The following PCDH11Y variants were observed in gnomAD, a reference collection of about 807,000 sequenced individuals.
PCDH11Y encodes the protein protocadherin 11 Y-linked, also known as protocadherin-11 Y-linked.
For missense variants in PCDH11Y, 12 were observed against 224.8 expected (o/e 0.05, Z 6.05); for synonymous variants, 9 against 83.6 (o/e 0.11, Z 4.87).
At chrY:5,275,785 G>A (rs879045347) in intron 2 of PCDH11Y, among the ~76,000 whole-genome samples, 1 of 32,924 alleles carries the variant, frequency 3.0e-5, no homozygotes, top group Non-Finnish European at 7.5e-5. Flanking sequence ...TTCCTTAGTC[G>A]GCATATGATA....
chrY:5,396,981 T>C (rs2053228064), intron 2 of PCDH11Y, among the ~76,000 whole-genome samples: 1 of 32,410 alleles, frequency 3.1e-5, no homozygotes, highest in Admixed American at 2.9e-4. Context: ...GGTCTCAAAC[T>C]CCTGACCTCA....
intron 4 of PCDH11Y, among the ~76,000 whole-genome samples, chrY:5,697,332 T>C: frequency 3.4e-5 from 1 of 29,371 alleles, no homozygotes; most frequent in Non-Finnish European, 8.2e-5. Flanking sequence ...CTAATGGAGA[T>C]GATGAGTTGA....
intron 2 of PCDH11Y, among the ~76,000 whole-genome samples, chrY:5,304,514 T>C (rs1602901588): frequency 1.2e-4 from 4 of 33,741 alleles, no homozygotes; most frequent in East Asian, 1.6e-3. Context: ...ACCATGAATG[T>C]GTTAGATTAC....
intron 4 of PCDH11Y, among the ~76,000 whole-genome samples, chrY:5,699,713 C>G (rs2053575837): frequency 3.0e-5 from 1 of 32,866 alleles, no homozygotes; most frequent in African/African-American, 1.2e-4. Context: ...GGCCCTCCCC[C>G]TGGGATCTCA....
chrY:5,519,599 C>T (rs2124690043), intron 3 of PCDH11Y, among the ~76,000 whole-genome samples: 1 of 31,331 alleles, frequency 3.2e-5, no homozygotes, highest in African/African-American at 1.2e-4. Context: ...ATTATTTTAG[C>T]GGTGGCATGG....
intron 4 of PCDH11Y, among the ~76,000 whole-genome samples, chrY:5,665,849 A>G (rs2053544259): frequency 3.0e-5 from 1 of 33,613 alleles, no homozygotes; most frequent in Non-Finnish European, 7.4e-5. Context: ...TGTAGTAATA[A>G]TCCATTTAGG....
intron 2 of PCDH11Y, among the ~76,000 whole-genome samples, chrY:5,253,586 G>C (rs2124657151): frequency 6.4e-5 from 2 of 31,276 alleles, no homozygotes; most frequent in Admixed American, 6.0e-4. Flanking sequence ...TGTTGGGCCA[G>C]AAGGATACCA....
intron 4 of PCDH11Y, among the ~76,000 whole-genome samples, chrY:5,711,676 G>A (rs1602963097): frequency 1.6e-3 from 51 of 31,779 alleles, no homozygotes; most frequent in African/African-American, 6.3e-3. Flanking sequence ...TGTAGTCCCA[G>A]GTATTTGGGA....
chrY:5,723,821 G>A (rs368167605), intron 4 of PCDH11Y, among the ~76,000 whole-genome samples: 689 of 32,970 alleles, frequency 0.021, no homozygotes, highest in Middle Eastern at 0.11. Flanking sequence ...TCATGAGAAA[G>A]CTGAAGTGAC....
At chrY:5,332,796 C>G in intron 2 of PCDH11Y, among the ~76,000 whole-genome samples, 1 of 33,596 alleles carries the variant, frequency 3.0e-5, no homozygotes, top group African/African-American at 1.2e-4. Context: ...CCACCTTGGA[C>G]TTGTGATTCA....
At position 5,397,268 on chromosome Y, in the gene PCDH11Y, A is replaced by C. The variant is rs2124676641; in HGVS notation, c.3130-103789A>C. On this transcript the variant is annotated intron_variant, in intron 2 of 4. Coordinates refer to the PCDH11Y transcript ENST00000400457. The stretch of plus-strand genomic sequence containing the variant: ...TTCCTAAGTAAATATTTATCCTTTT[A>C]TATGCTATTGTAAGTAGAATTGTAT... Among the ~76,000 whole-genome samples the C allele has an allele frequency of 6.0e-4, 19 of 31,802 alleles. No individual in the cohort carries two copies. In the South Asian group the frequency reaches 0.014, roughly 23 times the overall value. 85.3% of individuals were successfully genotyped at this position (31,802 alleles called of 37,273 possible). A position where few individuals can be genotyped will look rare whatever the true frequency, so the allele number is the denominator to read the frequency against.
intron 4 of PCDH11Y, among the ~76,000 whole-genome samples, chrY:5,670,911 T>A: frequency 3.0e-5 from 1 of 33,195 alleles, no homozygotes. Flanking sequence ...TAGTTTGAAG[T>A]CTTAGATTTA....
chrY:5,703,191 C>T (rs1602962241), intron 4 of PCDH11Y, among the ~76,000 whole-genome samples: 1 of 32,134 alleles, frequency 3.1e-5, no homozygotes, highest in Non-Finnish European at 7.6e-5. Flanking sequence ...TAACTAAAAC[C>T]GTGTCCAGAG....
intron 2 of PCDH11Y, among the ~76,000 whole-genome samples, chrY:5,255,769 T>A: frequency 3.0e-5 from 1 of 33,601 alleles, no homozygotes; most frequent in African/African-American, 1.2e-4. Flanking sequence ...CATTGTAGTT[T>A]TGATTTACAT....
intron 2 of PCDH11Y, among the ~76,000 whole-genome samples, chrY:5,432,944 A>G: frequency 9.0e-5 from 3 of 33,340 alleles, no homozygotes; most frequent in Admixed American, 2.8e-4. Flanking sequence ...TTTTGTATCA[A>G]TCTTACTGAT....
At chrY:5,535,767 T>C (rs2053399560) in intron 3 of PCDH11Y, among the ~76,000 whole-genome samples, 1 of 33,423 alleles carries the variant, frequency 3.0e-5, no homozygotes, top group Non-Finnish European at 7.4e-5. Context: ...GATTGCTGGA[T>C]CAAGTGATAT....
chrY:5,280,286 T>G (rs2053052119), intron 2 of PCDH11Y, among the ~76,000 whole-genome samples: 1 of 32,377 alleles, frequency 3.1e-5, no homozygotes, highest in Non-Finnish European at 7.5e-5. Flanking sequence ...CCTCCCACCC[T>G]TCACCGTCTG....
chrY:5,711,280 G>A, intron 4 of PCDH11Y, among the ~76,000 whole-genome samples: 1 of 10,840 alleles, frequency 9.2e-5, no homozygotes, highest in Non-Finnish European at 2.0e-4. Context: ...AGTCCTTTGA[G>A]GTTTAATACT....
At chrY:5,077,323 T>C (rs2124631525) in intron 1 of PCDH11Y, among the ~76,000 whole-genome samples, 1 of 33,288 alleles carries the variant, frequency 3.0e-5, no homozygotes, top group Non-Finnish European at 7.4e-5. Flanking sequence ...TTGTGGAGTC[T>C]TTAGTTTTTT....
Sources: allele counts gnomAD v4.1 joint callset (sites outside exome capture counted in the v4.1 genomes callset), GRCh38; gene constraint gnomAD v4.1.1; transcripts MANE v1.5; gene names NCBI Gene and HGNC (gene_info 2026-07-23, HGNC 2026-07-21).